Variants in NALCN observed in about 807,000 individuals in gnomAD.
NALCN encodes sodium leak channel, non-selective.
Under a neutral mutation model 225.3 loss-of-function variants are expected in NALCN, and 111 were observed. That is an observed-to-expected ratio of 0.49 (90% CI 0.42 to 0.58). The LOEUF (loss-of-function observed/expected upper bound fraction) is 0.58. Ranked by LOEUF, NALCN falls within the 20% of genes least tolerant of loss-of-function variation. NALCN has a pLI of 0.00. For missense variants in NALCN, 1,378 were observed against 2,202.4 expected (o/e 0.63, Z 7.49); for synonymous variants, 764 against 769.0 (o/e 0.99, Z 0.11).
chr13:101,202,046 G>A (rs4771388), intron 13 of NALCN, among the ~76,000 whole-genome samples: 1 of 151,962 alleles, frequency 6.6e-6, no homozygotes, highest in Admixed American at 6.6e-5. Context: ...TCCTTGTTTC[G>A]ATTTTTCCCA....
chr13:101,397,783 A>T (rs553772823), intron 2 of NALCN, among the ~76,000 whole-genome samples: 1 of 152,282 alleles, frequency 6.6e-6, no homozygotes, highest in East Asian at 1.9e-4. Context: ...TTATTTATAG[A>T]TAACTTTATA....
chr13:101,312,991 T>C (rs1224016562), intron 7 of NALCN, among the ~76,000 whole-genome samples: 1 of 151,992 alleles, frequency 6.6e-6, no homozygotes, highest in Non-Finnish European at 1.5e-5. Flanking sequence ...GAGATATAGA[T>C]CAATGGAACA....
chr13:101,258,237 G>A (rs1211182174), intron 11 of NALCN, among the ~76,000 whole-genome samples: 2 of 152,178 alleles, frequency 1.3e-5, no homozygotes, highest in East Asian at 1.9e-4. Context: ...GACATACTGT[G>A]AGGAAGATGA....
At chr13:101,381,403 T>A (rs2046845022) in intron 3 of NALCN, among the ~76,000 whole-genome samples, 1 of 152,176 alleles carries the variant, frequency 6.6e-6, no homozygotes, top group Admixed American at 6.6e-5. Flanking sequence ...GTGTTAAAGA[T>A]CTCACAGAGG....
At chr13:101,303,593 G>A (rs575361896) in intron 7 of NALCN, among the ~76,000 whole-genome samples, 3 of 152,200 alleles carry the variant, frequency 2.0e-5, no homozygotes, top group South Asian at 2.1e-4. Flanking sequence ...GAATAGTGGC[G>A]AAAGAGGAAG....
intron 27 of NALCN, 136 bp from the exon 28 acceptor site, chr13:101,095,816 C>A: frequency 1.5e-6 from 1 of 674,586 alleles, no homozygotes; most frequent in South Asian, 1.8e-5. Flanking sequence ...TGGACAGCTA[C>A]CCAGCAAATA....
intron 14 of NALCN, among the ~76,000 whole-genome samples, chr13:101,187,910 C>G (rs116579005): frequency 0.01 from 1,570 of 152,210 alleles, 28 homozygotes; most frequent in African/African-American, 0.036. Flanking sequence ...ACCTGTATAA[C>G]CACTAAATTA....
chr13:101,212,729 G>A (rs909374645), intron 13 of NALCN, among the ~76,000 whole-genome samples: 1 of 152,054 alleles, frequency 6.6e-6, no homozygotes. Context: ...GCAAACAAAG[G>A]CAAAAGACTG....
chr13:101,329,891 T>C (rs1000653492), intron 7 of NALCN, among the ~76,000 whole-genome samples: 2 of 151,708 alleles, frequency 1.3e-5, no homozygotes, highest in Middle Eastern at 3.4e-3. Flanking sequence ...ATATAAAAAT[T>C]AGCCGGGCGT....
chr13:101,387,753 T>G (rs72654881), intron 3 of NALCN, among the ~76,000 whole-genome samples: 5,655 of 152,186 alleles, frequency 0.037, 151 homozygotes, highest in Admixed American at 0.073. Context: ...ATATGAGAGG[T>G]CCCCTGAAAG....
At chr13:101,115,581 G>A (rs1341854947) in intron 18 of NALCN, among the ~76,000 whole-genome samples, 1 of 152,162 alleles carries the variant, frequency 6.6e-6, no homozygotes, top group Non-Finnish European at 1.5e-5. Flanking sequence ...AGAAGGAGAA[G>A]AACTTGAATA....
At chr13:101,305,834 C>G (rs894891651) in intron 7 of NALCN, among the ~76,000 whole-genome samples, 1 of 152,154 alleles carries the variant, frequency 6.6e-6, no homozygotes, top group Non-Finnish European at 1.5e-5. Context: ...TGTTGGTCAC[C>G]ACCATATTCC....
At chr13:101,155,517 A>G (rs1349601232) in intron 15 of NALCN, among the ~76,000 whole-genome samples, 1 of 152,178 alleles carries the variant, frequency 6.6e-6, no homozygotes, top group Non-Finnish European at 1.5e-5. Context: ...TGGGACAAAT[A>G]CCATGGAGAT....
intron 1 of NALCN, among the ~76,000 whole-genome samples, chr13:101,399,706 ATGT>A (rs2047412431): frequency 6.6e-6 from 1 of 152,130 alleles, no homozygotes; most frequent in African/African-American, 2.4e-5. Context: ...CTAAATGGAG[ATGT>A]TGTTTTATGA....
chr13:101,354,251 G>A (rs1342669511), intron 6 of NALCN, among the ~76,000 whole-genome samples: 2 of 152,158 alleles, frequency 1.3e-5, no homozygotes, highest in Non-Finnish European at 2.9e-5. Flanking sequence ...GCTGAGGCAG[G>A]AGAATCACTT....
intron 9 of NALCN, among the ~76,000 whole-genome samples, chr13:101,289,551 C>CAT (rs1887087322): frequency 1.5e-5 from 1 of 68,110 alleles, no homozygotes; most frequent in African/African-American, 3.8e-5. Flanking sequence ...TATATATATA[C>CAT]ACATATTTTC....
At chr13:101,266,588 T>C (rs2042604333) in intron 10 of NALCN, among the ~76,000 whole-genome samples, 1 of 152,162 alleles carries the variant, frequency 6.6e-6, no homozygotes, top group East Asian at 1.9e-4. Context: ...GTAAAACAAC[T>C]CAACTTAGTA....
Position 101,146,260 on chromosome 13 carries a change from T to C in NALCN, c.1840-1364A>G, listed in dbSNP as rs903929170. On this transcript the variant is annotated intron_variant, in intron 15 of 43. Transcript: ENST00000251127. ...CTGATTTGATTTTGTGGGTAGCCTT[T>C]GGTTTTTCTGTCTTAGATGGTAATC... Among the ~76,000 whole-genome samples the C allele has an allele frequency of 6.6e-5, 10 of 152,252 alleles. No homozygotes were observed. In the East Asian group the frequency reaches 1.7e-3, roughly 26 times the overall value.
At chr13:101,134,947 C>A (rs1432967146) in intron 17 of NALCN, among the ~76,000 whole-genome samples, 1 of 152,204 alleles carries the variant, frequency 6.6e-6, no homozygotes, top group Non-Finnish European at 1.5e-5. Flanking sequence ...GTAGTCCCAG[C>A]ACTTTGGGAG....
Sources: gnomAD v4.1 joint callset for allele counts (sites outside exome capture counted in the v4.1 genomes callset) on GRCh38, gnomAD v4.1.1 for gene constraint, MANE v1.5 for transcripts, NCBI Gene and HGNC (gene_info 2026-07-23, HGNC 2026-07-21) for gene names.